Variants in FCGRT observed in about 807,000 individuals in gnomAD.
The protein encoded by FCGRT is Fc gamma receptor and transporter, also known as IgG receptor FcRn large subunit p51.
FCGRT carries 13 observed loss-of-function variants against 35.7 expected under a neutral mutation model. The ratio of observed to expected loss-of-function variants is 0.36; its 90% CI spans 0.24 to 0.58. The LOEUF (loss-of-function observed/expected upper bound fraction) is 0.58. FCGRT is among the 20% of genes least tolerant of loss of function. The pLI is 0.77. For missense variants in FCGRT, 455 were observed against 474.9 expected (o/e 0.96, Z 0.39); for synonymous variants, 233 against 216.5 (o/e 1.08, Z -0.67).
chr19:49,523,574 C>G (rs143637816), intron 4 of FCGRT, among the ~76,000 whole-genome samples: 2,336 of 136,956 alleles, frequency 0.017, 25 homozygotes, highest in Middle Eastern at 0.029. Flanking sequence ...ATCTCAAAAA[C>G]AAAAGGCTAG....
chr19:49,523,044 T>C (rs1195373388), intron 4 of FCGRT, among the ~76,000 whole-genome samples: 1 of 151,970 alleles, frequency 6.6e-6, no homozygotes, highest in Non-Finnish European at 1.5e-5. Flanking sequence ...CCCAAAGTGC[T>C]GGGATTACAG....
intron 1 of FCGRT, among the ~76,000 whole-genome samples, 151 bp downstream of exon 1, chr19:49,512,901 G>A (rs2079979696): frequency 6.8e-6 from 1 of 146,302 alleles, no homozygotes; most frequent in South Asian, 2.2e-4. Flanking sequence ...GGGACTGGGG[G>A]TCTGGACGCT....
chr19:49,520,559 T>C (rs1220590382), intron 4 of FCGRT: 3 of 151,906 alleles, frequency 2.0e-5, no homozygotes, highest in Non-Finnish European at 4.4e-5. Context: ...TTGGCGAAGC[T>C]GGTCTTGAAC....
At chr19:49,513,513 C>CGGCGGGA (rs1307750238) in intron 2 of FCGRT, 40 bp downstream of exon 2, 2 of 1,166,086 alleles carry the variant, frequency 1.7e-6, no homozygotes, top group Non-Finnish European at 2.2e-6. Flanking sequence ...TGCAGGCGGG[C>CGGCGGGA]GGCGGGAGGC....
chr19:49,517,105 C>T (rs909667364), intron 4 of FCGRT, among the ~76,000 whole-genome samples: 1 of 152,016 alleles, frequency 6.6e-6, no homozygotes, highest in Non-Finnish European at 1.5e-5. Flanking sequence ...GCAGGAGGAT[C>T]GCTTGAGCTC....
In FCGRT at chr19:49,513,420, A is replaced by T; in HGVS notation, c.20A>T (p.Gln7Leu). The T allele has an allele frequency of 1.7e-6, 2 of 1,205,360 alleles. No individual in the cohort carries two copies. The highest frequency in any genetic ancestry group is 2.1e-6 in the Non-Finnish European group (2 of 964,012). The allele number at this position is 1,205,360 out of a possible 1,614,324, so 74.7% of individuals were successfully genotyped here. ...CTCAGCATGGGGGTCCCGCGGCCTC[A>T]GCCCTGGGCGCTGGGGCTCCTGCTC... MGVPRP[Q>L]PWALGLLLFL... The change falls in exon 2 of 7, where the codon CAG (glutamine) becomes CTG (leucine). Residue 7 changes from glutamine to leucine, a missense_variant. Physicochemically the swap from Gln to Leu is moderately radical, Grantham distance 113. Coordinates refer to ENST00000221466, the MANE Select transcript of FCGRT (RefSeq NM_001136019.3).
intron 2 of FCGRT, 84 bp from the exon 3 acceptor site, chr19:49,513,798 A>T (rs1568698479): frequency 4.6e-6 from 5 of 1,079,478 alleles, no homozygotes; most frequent in Admixed American, 6.4e-5. Context: ...TCCATAATAG[A>T]TTCTTCTCCC....
intron 4 of FCGRT, among the ~76,000 whole-genome samples, chr19:49,523,258 T>A (rs969063579): frequency 2.6e-5 from 4 of 152,098 alleles, no homozygotes; most frequent in Non-Finnish European, 4.4e-5. Flanking sequence ...TTTGGAAAGT[T>A]TTAAACTATG....
rs2079990145 is a variant in FCGRT, at chr19:49,513,928, T to C, written c.120T>C (p.Pro40=). Reference sequence around the variant, plus strand: ...ACCACCTTACCGCGGTGTCCTCGCCTGCCCCGGGGACTCCTGCCTTCTGGG... The same window carrying C: ...ACCACCTTACCGCGGTGTCCTCGCCCGCCCCGGGGACTCCTGCCTTCTGGG... ...LLYHLTAVSS[P]APGTPAFWVS... The change falls in exon 3 of 7, where the codon CCT becomes CCC. Residue 40 remains proline, a synonymous_variant. Coordinates refer to ENST00000221466, the MANE Select transcript of FCGRT (RefSeq NM_001136019.3). 1 of 1,613,300 alleles carries C rather than the reference T, an allele frequency of 6.2e-7. No individual in the cohort carries two copies. Among genetic ancestry groups the C allele is most frequent in the Non-Finnish European group, 8.5e-7 (1 of 1,179,622 alleles).
In FCGRT at chr19:49,526,285, C is replaced by T. The variant is rs2080077063; in HGVS notation, c.*166C>T. ...TCTGCCTCAGTTTCCCCTCCTAATA[C>T]ATATGGCTGTTTTCCACCTCGATAA... On this transcript the variant is annotated 3_prime_UTR_variant, in exon 7 of 7. Coordinates refer to ENST00000221466, the MANE Select transcript of FCGRT (RefSeq NM_001136019.3). 1 of 600,470 alleles carries T rather than the reference C, an allele frequency of 1.7e-6. No homozygotes were observed. Among genetic ancestry groups the T allele is most frequent in the Non-Finnish European group, 3.0e-6 (1 of 336,092 alleles). The allele number at this position is 600,470 out of a possible 1,614,324, so 37.2% of individuals were successfully genotyped here.
intron 4 of FCGRT, among the ~76,000 whole-genome samples, chr19:49,519,070 C>G (rs1193053557): frequency 6.7e-6 from 1 of 148,482 alleles, no homozygotes; most frequent in Non-Finnish European, 1.5e-5. Context: ...TCTCGATCTC[C>G]TGACCTCCTG....
intron 6 of FCGRT, 161 bp from the exon 7 acceptor site, chr19:49,525,849 A>G (rs1312373204): frequency 4.7e-5 from 33 of 709,186 alleles, no homozygotes; most frequent in Middle Eastern, 7.5e-4. Flanking sequence ...ATGTAGAAAG[A>G]GGGGGGACGG....
chr19:49,518,879 G>A (rs1343578771), intron 4 of FCGRT, among the ~76,000 whole-genome samples: 1 of 149,334 alleles, frequency 6.7e-6, no homozygotes, highest in Non-Finnish European at 1.5e-5. Flanking sequence ...GTCTCGCTCT[G>A]TCACCCAGGC....
Position 49,513,462 on chromosome 19 carries a change from G to A in FCGRT, c.62G>A (p.Ser21Asn), listed in dbSNP as rs966015368. 1.6e-6 allele frequency: 2 copies of A among 1,244,012 alleles called. No individual in the cohort carries two copies. The highest frequency in any genetic ancestry group is 3.2e-5 in the East Asian group (1 of 31,654). 77.1% of individuals were successfully genotyped at this position (1,244,012 alleles called of 1,614,324 possible). A position where few individuals can be genotyped will look rare whatever the true frequency, so the allele number is the denominator to read the frequency against. The part of the protein sequence containing the change: ...LGLLLFLLPG[S>N]LGAESHLSLL... ...CTCCTGCTCTTTCTCCTTCCTGGGAGCCTGGGCGCAGGTGAGGGCCGCTCC... is the reference window on the plus strand; with the variant it reads ...CTCCTGCTCTTTCTCCTTCCTGGGAACCTGGGCGCAGGTGAGGGCCGCTCC... The change falls in exon 2 of 7, where the codon AGC becomes AAC. Residue 21 changes from serine (S) to asparagine (N), a missense_variant. Physicochemically the swap from Ser to Asn is conservative, Grantham distance 46. Around this residue, in one of 3 missense-constraint regions of FCGRT, gnomAD observed 136 missense variants for 158.9 expected, o/e 0.86. Transcript: ENST00000221466.
chr19:49,518,636 C>A (rs1176077107), intron 4 of FCGRT, among the ~76,000 whole-genome samples: 3 of 152,018 alleles, frequency 2.0e-5, no homozygotes, highest in African/African-American at 7.3e-5. Flanking sequence ...CGGGTTCAAG[C>A]AATTCTCCTG....
At chr19:49,525,595 A>G in intron 6 of FCGRT, 22 bp downstream of exon 6, 1 of 1,530,806 alleles carries the variant, frequency 6.5e-7, no homozygotes, top group Non-Finnish European at 9.0e-7. Context: ...CGGGAGGAAG[A>G]GCCTCTGAGA....
chr19:49,521,681 T>C (rs1281875802), intron 4 of FCGRT: 2 of 151,462 alleles, frequency 1.3e-5, no homozygotes, highest in Non-Finnish European at 1.5e-5. Flanking sequence ...TTTTTTTTTT[T>C]TTCTTTGAGA....
chr19:49,514,081 G>C lies in FCGRT; in HGVS notation c.273G>C (p.Leu91=). The C allele has an allele frequency of 1.2e-6, 2 of 1,611,650 alleles. No homozygotes were observed. The highest frequency in any genetic ancestry group is 1.7e-6 in the Non-Finnish European group (2 of 1,179,970). The change falls in exon 3 of 7, where the codon CTG becomes CTC. Residue 91 remains leucine, a synonymous_variant. Coordinates refer to ENST00000221466, the MANE Select transcript of FCGRT (RefSeq NM_001136019.3). ...ATTGGGAGAAAGAGACCACAGATCT[G>C]AGGATCAAGGAGAAGCTCTTTCTGG... ...SWYWEKETTD[L]RIKEKLFLEA... is the part of the protein sequence containing the mutation.
Position 49,513,714 on chromosome 19 carries a change from G to GTCTCTCTC in FCGRT, c.74-162_74-155dup, listed in dbSNP as rs139316391. The GTCTCTCTC allele has an allele frequency of 1.8e-3, 952 of 531,700 alleles. 4 individuals carry two copies. Among genetic ancestry groups the GTCTCTCTC allele is most frequent in the Middle Eastern group, 5.5e-3 (9 of 1,636 alleles). The allele number at this position is 531,700 out of a possible 1,614,324, so 32.9% of individuals were successfully genotyped here. A position where few individuals can be genotyped will look rare whatever the true frequency, so the allele number is the denominator to read the frequency against. ...GTCCCCCTCTCTTTCTGGGTCTCTT[G>GTCTCTCTC]TCTCTCTCTCTCTGGGTCTCTGTCC... On this transcript the variant is annotated intron_variant, in intron 2 of 6. Coordinates refer to ENST00000221466, the MANE Select transcript of FCGRT (RefSeq NM_001136019.3).
Sources: allele counts gnomAD v4.1 joint callset (sites outside exome capture counted in the v4.1 genomes callset), GRCh38; gene constraint gnomAD v4.1.1; regional missense constraint gnomAD v4.1.1; transcripts MANE v1.5; gene names NCBI Gene and HGNC (gene_info 2026-07-23, HGNC 2026-07-21).